The following TMCO5A variants were observed in gnomAD, a reference collection of about 807,000 sequenced individuals.
The protein encoded by TMCO5A is transmembrane and coiled-coil domain-containing protein 5A.
Under a neutral mutation model 42.3 loss-of-function variants are expected in TMCO5A, and 34 were observed. That is an observed-to-expected ratio of 0.80 (90% CI 0.61 to 1.07). The LOEUF (loss-of-function observed/expected upper bound fraction) is 1.07. TMCO5A is among the 50% of genes least tolerant of loss of function. The pLI, the probability that TMCO5A is intolerant of heterozygous loss-of-function variation, is 0.00. For missense variants in TMCO5A, 357 were observed against 327.9 expected, an observed-to-expected ratio of 1.09 and a Z score of -0.69; for synonymous variants, 131 against 115.6, an observed-to-expected ratio of 1.13 and a Z score of -0.86.
downstream of TMCO5A, chr15:37,967,840 C>CGG (rs1890592427): frequency 6.6e-6 from 1 of 152,208 alleles, no homozygotes; most frequent in Non-Finnish European, 1.5e-5. Flanking sequence ...AGCATTCACA[C>CGG]CAGCCAGGAG....
chr15:37,950,138 C>G (rs947112452), intron 11 of TMCO5A, among the ~76,000 whole-genome samples: 2 of 152,182 alleles, frequency 1.3e-5, no homozygotes, highest in African/African-American at 4.8e-5. Context: ...GTGACTTTCA[C>G]CATATTCCAT....
intron 9 of TMCO5A, chr15:37,942,659 T>C (rs2140269017): frequency 5.6e-6 from 1 of 177,318 alleles, no homozygotes; most frequent in African/African-American, 2.4e-5. Flanking sequence ...CACCCAACCA[T>C]AAGGGATAGG....
the TMCO5A span, among the ~76,000 whole-genome samples, chr15:38,022,562 A>G: frequency 6.6e-6 from 1 of 152,204 alleles, no homozygotes; most frequent in Non-Finnish European, 1.5e-5. Context: ...ATATGATACT[A>G]TAGTGGTGGC....
At chr15:37,969,393 T>C (rs985188660), downstream of TMCO5A, among the ~76,000 whole-genome samples, 5 of 152,218 alleles carry the variant, frequency 3.3e-5, no homozygotes, top group African/African-American at 1.2e-4. Context: ...AACCCTCTTC[T>C]ACTGGCAATT....
chr15:37,970,779 T>G (rs993994232), downstream of TMCO5A, among the ~76,000 whole-genome samples: 3 of 151,892 alleles, frequency 2.0e-5, no homozygotes, highest in Non-Finnish European at 2.9e-5. Flanking sequence ...TCCAGTGGGG[T>G]AGTCAAATTT....
chr15:37,976,960 C>G, the TMCO5A span, among the ~76,000 whole-genome samples: 1 of 151,860 alleles, frequency 6.6e-6, no homozygotes, highest in Non-Finnish European at 1.5e-5. Context: ...TTAATACAGA[C>G]AGGGTTTCAC....
chr15:38,001,503 AT>A, the TMCO5A span, among the ~76,000 whole-genome samples: 2 of 150,302 alleles, frequency 1.3e-5, no homozygotes. Context: ...GTCCATTTAC[AT>A]TCAATGTTAT....
Position 37,947,702 on chromosome 15 carries a change from T to A in TMCO5A, c.668+6T>A, listed in dbSNP as rs747932849. On this transcript the variant is annotated splice_donor_region_variant and intron_variant, in intron 11 of 11. Transcript: ENST00000319669. ...GCAAGATTATTCAGTAAAAAGTAAG[T>A]AAAATATCTTCAGGTAAACTTCCTA... is the stretch of plus-strand genomic sequence containing the variant. The A allele has an allele frequency of 1.3e-6, 2 of 1,583,542 alleles. No individual in the cohort carries two copies. Among genetic ancestry groups the A allele is most frequent in the Admixed American group, 3.4e-5 (2 of 58,588 alleles).
the TMCO5A span, among the ~76,000 whole-genome samples, chr15:38,037,770 G>T: frequency 6.6e-6 from 1 of 152,110 alleles, no homozygotes; most frequent in Admixed American, 6.5e-5. Context: ...ATTCCAGCAA[G>T]TTGGGAGGCC....
At chr15:37,997,297 C>T in the TMCO5A span, among the ~76,000 whole-genome samples, 74 of 152,264 alleles carry the variant, frequency 4.9e-4, no homozygotes, top group African/African-American at 1.6e-3. Flanking sequence ...GTAGTTGTTG[C>T]AAATATTCTA....
At chr15:37,968,106 G>A (rs912939317), downstream of TMCO5A, among the ~76,000 whole-genome samples, 1 of 152,156 alleles carries the variant, frequency 6.6e-6, no homozygotes, top group Non-Finnish European at 1.5e-5. Context: ...ATTCTTCAGT[G>A]CTAAGTGCAG....
the TMCO5A span, among the ~76,000 whole-genome samples, chr15:37,973,991 A>G: frequency 3.0e-4 from 45 of 152,142 alleles, no homozygotes; most frequent in Non-Finnish European, 6.0e-4. Context: ...CATTTTATCA[A>G]AGGCCTTTTC....
chr15:38,021,978 T>G, the TMCO5A span, among the ~76,000 whole-genome samples: 1 of 151,884 alleles, frequency 6.6e-6, no homozygotes, highest in Non-Finnish European at 1.5e-5. Flanking sequence ...TCCAGCTAAT[T>G]TTTTTGTATT....
chr15:38,010,045 A>T, the TMCO5A span, among the ~76,000 whole-genome samples: 5 of 152,036 alleles, frequency 3.3e-5, no homozygotes, highest in African/African-American at 1.2e-4. Context: ...TTATTAATAG[A>T]GTGGACCCTA....
the TMCO5A span, among the ~76,000 whole-genome samples, chr15:37,978,194 G>T: frequency 6.6e-6 from 1 of 152,224 alleles, no homozygotes; most frequent in East Asian, 1.9e-4. Flanking sequence ...AAAGAGCAGG[G>T]TGTCAGGGCT....
the TMCO5A span, among the ~76,000 whole-genome samples, chr15:38,031,050 G>A: frequency 6.6e-6 from 1 of 152,020 alleles, no homozygotes; most frequent in African/African-American, 2.4e-5. Flanking sequence ...ACATATCCTG[G>A]CATATCAAAG....
chr15:37,981,200 C>CA, the TMCO5A span, among the ~76,000 whole-genome samples: 12,526 of 65,042 alleles, frequency 0.19, 1,373 homozygotes, highest in Non-Finnish European at 0.24. Flanking sequence ...AGAAAGCCAG[C>CA]AAAAAAAAAA....
At position 37,951,056 on chromosome 15, in the gene TMCO5A, T is replaced by C; in HGVS notation, c.689T>C (p.Phe230Ser). Residue 230 changes from phenylalanine to serine, a missense_variant, in exon 12 of 12, where the codon TTC (phenylalanine) becomes TCC (serine). By Grantham distance (155) the Phe-to-Ser change is radical. Transcript: ENST00000319669. ...TTTAGGATTTTTTGCTGTCTCTTTTTCATCACCCTATTTTTCATCAGACTG... is the reference window on the plus strand; with the variant it reads ...TTTAGGATTTTTTGCTGTCTCTTTTCCATCACCCTATTTTTCATCAGACTG... ...FSKKIFCCLF[F>S]ITLFFIRLLS... 6.2e-7 allele frequency: 1 copy of C among 1,612,194 alleles called. No homozygotes were observed. The highest frequency in any genetic ancestry group is 8.5e-7 in the Non-Finnish European group (1 of 1,179,798).
At position 37,936,410 on chromosome 15, in the gene TMCO5A, A is replaced by T. The variant is rs770776333; in HGVS notation, c.87A>T (p.Glu29Asp). 2.5e-6 allele frequency: 4 copies of T among 1,613,228 alleles called. No homozygotes were observed. Among genetic ancestry groups the T allele is most frequent in the Non-Finnish European group, 3.4e-6 (4 of 1,179,452 alleles). Residue 29 changes from glutamate to aspartate, a missense_variant, in exon 3 of 12, where the codon GAA becomes GAT. By Grantham distance (45) the Glu-to-Asp change is conservative (BLOSUM62 2). Transcript: ENST00000319669. The part of the protein sequence containing the change: ...DLERDTQRID[E>D]ANQKLLLKIQ... ...AAAGGGATACGCAGAGAATAGATGAAGCAAATCAGAAACTTCTTCTCAAAA... is the reference window on the plus strand; with the variant it reads ...AAAGGGATACGCAGAGAATAGATGATGCAAATCAGAAACTTCTTCTCAAAA...
Sources: gnomAD v4.1 joint callset for allele counts (sites outside exome capture counted in the v4.1 genomes callset) on GRCh38, gnomAD v4.1.1 for gene constraint, MANE v1.5 for transcripts, NCBI Gene and HGNC (gene_info 2026-07-23, HGNC 2026-07-21) for gene names.